Variants in HMCN1 observed in about 807,000 individuals in gnomAD.
The protein encoded by HMCN1 is hemicentin-1.
In HMCN1, 321 loss-of-function variants were observed where a neutral mutation model predicts 625.9. The observed-to-expected ratio is 0.51, with a 90% confidence interval of 0.47 to 0.56. The LOEUF (loss-of-function observed/expected upper bound fraction) is 0.56. Ranked by LOEUF, HMCN1 falls within the 20% of genes least tolerant of loss-of-function variation. The pLI is 0.00. For missense variants in HMCN1, 6,588 were observed against 6,887.3 expected (o/e 0.96, Z 1.54); for synonymous variants, 2,425 against 2,417.6 (o/e 1.00, Z -0.09).
intron 4 of HMCN1, among the ~76,000 whole-genome samples, chr1:185,868,899 G>A (rs1379282302): frequency 6.6e-6 from 1 of 152,128 alleles, no homozygotes; most frequent in Non-Finnish European, 1.5e-5. Flanking sequence ...ATCATCAACT[G>A]ATATTCTAAT....
chr1:186,122,422 A>T (rs2057386), intron 80 of HMCN1, among the ~76,000 whole-genome samples: 1 of 151,396 alleles, frequency 6.6e-6, no homozygotes, highest in Non-Finnish European at 1.5e-5. Flanking sequence ...GTTTCCAAAT[A>T]AATGGGAAGA....
At chr1:185,790,581 C>T (rs190236949) in intron 1 of HMCN1, among the ~76,000 whole-genome samples, 14 of 152,288 alleles carry the variant, frequency 9.2e-5, no homozygotes, top group Admixed American at 5.2e-4. Flanking sequence ...AGAGGAAAGA[C>T]GTTTGATGTC....
intron 11 of HMCN1, among the ~76,000 whole-genome samples, chr1:185,951,932 T>C (rs1571608468): frequency 6.6e-6 from 1 of 151,312 alleles, no homozygotes; most frequent in African/African-American, 2.5e-5. Context: ...TTAAATCCTG[T>C]TGTGGGGTTT....
intron 22 of HMCN1, among the ~76,000 whole-genome samples, chr1:185,990,778 A>G (rs1399109327): frequency 6.6e-6 from 1 of 152,166 alleles, no homozygotes; most frequent in African/African-American, 2.4e-5. Flanking sequence ...GAGCAATAAA[A>G]TACAATAGGC....
rs930387773 is a variant in HMCN1, at chr1:185,747,638, C to T, written c.268+12591C>T. On this transcript the variant is annotated intron_variant, in intron 1 of 106. Coordinates refer to ENST00000271588, the MANE Select transcript of HMCN1 (RefSeq NM_031935.3). Reference sequence around the variant, plus strand: ...CCCGGCCCTGTTACTTTTAAGCATGCATTTAATAAAGTCGTATTTAATCTT... The same window carrying T: ...CCCGGCCCTGTTACTTTTAAGCATGTATTTAATAAAGTCGTATTTAATCTT... Among the ~76,000 whole-genome samples, 5 of 152,084 alleles carry T rather than the reference C, an allele frequency of 3.3e-5. No homozygotes were observed. In the South Asian group the frequency reaches 6.2e-4, roughly 19 times the overall value.
chr1:185,924,946 A>G (rs1321158627), intron 8 of HMCN1, 101 bp from the exon 9 acceptor site: 1 of 1,023,134 alleles, frequency 9.8e-7, no homozygotes, highest in Admixed American at 2.0e-5. Context: ...TACTGGAATA[A>G]TTTAAGTATA....
chr1:186,139,249 C>A (rs1649806199), intron 89 of HMCN1, among the ~76,000 whole-genome samples: 2 of 152,158 alleles, frequency 1.3e-5, no homozygotes, highest in South Asian at 4.1e-4. Context: ...AATTATGAAG[C>A]TTATTTAAAT....
intron 89 of HMCN1, among the ~76,000 whole-genome samples, chr1:186,141,901 C>T (rs1011722972): frequency 1.3e-5 from 2 of 152,174 alleles, no homozygotes; most frequent in Non-Finnish European, 1.5e-5. Flanking sequence ...CATTGTGCTC[C>T]TCTACCCTGC....
chr1:185,763,585 C>T (rs546028691), intron 1 of HMCN1, among the ~76,000 whole-genome samples: 3 of 152,096 alleles, frequency 2.0e-5, no homozygotes, highest in African/African-American at 7.2e-5. Flanking sequence ...AAATAAAGAG[C>T]TACTTCACAT....
intron 1 of HMCN1, among the ~76,000 whole-genome samples, chr1:185,789,839 A>C (rs1657873704): frequency 6.6e-6 from 1 of 152,236 alleles, no homozygotes; most frequent in African/African-American, 2.4e-5. Flanking sequence ...ATAATCTCAA[A>C]GTTTACCACT....
At chr1:185,979,363 AG>A (rs1459638122) in intron 16 of HMCN1, among the ~76,000 whole-genome samples, 1 of 152,182 alleles carries the variant, frequency 6.6e-6, no homozygotes, top group Non-Finnish European at 1.5e-5. Context: ...AACATTGAAA[AG>A]CTCAAAGAGT....
intron 102 of HMCN1, among the ~76,000 whole-genome samples, chr1:186,172,931 G>T (rs1455449420): frequency 6.6e-6 from 1 of 152,114 alleles, no homozygotes; most frequent in Non-Finnish European, 1.5e-5. Context: ...TCACTATGAA[G>T]GAGGTCATGA....
Position 186,106,930 on chromosome 1 carries a change from G to A in HMCN1, c.10817G>A (p.Gly3606Glu). 6 of 1,612,968 alleles carry A rather than the reference G, an allele frequency of 3.7e-6. No individual in the cohort carries two copies. The highest frequency in any genetic ancestry group is 5.1e-6 in the Non-Finnish European group (6 of 1,178,974). ...RYTCLASSPA[G>E]DDDKEYLVRV... is the part of the protein sequence containing the mutation. ...ACATGTCTGGCATCCAGTCCTGCAGGAGATGATGATAAGGAATATCTAGTG... is the reference window on the plus strand; with the variant it reads ...ACATGTCTGGCATCCAGTCCTGCAGAAGATGATGATAAGGAATATCTAGTG... Residue 3606 changes from glycine (G) to glutamate (E), a missense_variant, in exon 70 of 107, where the codon GGA becomes GAA. Gly to Glu is a moderately conservative substitution (Grantham distance 98). Transcript: ENST00000271588.
chr1:185,945,986 G>A (rs539872489), intron 11 of HMCN1, among the ~76,000 whole-genome samples: 3 of 152,292 alleles, frequency 2.0e-5, no homozygotes, highest in African/African-American at 7.2e-5. Flanking sequence ...TAGGCTGGAT[G>A]AAAAAGGAAG....
At chr1:186,143,303 C>A (rs1051903366) in intron 89 of HMCN1, among the ~76,000 whole-genome samples, 1 of 152,174 alleles carries the variant, frequency 6.6e-6, no homozygotes, top group Non-Finnish European at 1.5e-5. Context: ...TATTTCTGCT[C>A]ATATTTTGAT....
intron 86 of HMCN1, among the ~76,000 whole-genome samples, chr1:186,133,216 T>A (rs1048990974): frequency 6.6e-6 from 1 of 152,230 alleles, no homozygotes; most frequent in Non-Finnish European, 1.5e-5. Context: ...GCAGAGCTTT[T>A]TAATTACAGC....
Position 185,839,868 on chromosome 1 carries a change from A to G in HMCN1, c.269-6158A>G, listed in dbSNP as rs1421905780. Among the ~76,000 whole-genome samples the G allele has an allele frequency of 2.0e-5, 3 of 152,210 alleles. No homozygotes were observed. In the East Asian group the frequency reaches 5.8e-4, roughly 29 times the overall value. ...TTATACCCCTTATTGTTAAGTGGAT[A>G]ATCTCTTTGGAAGTGGAACAGAATG... On this transcript the variant is annotated intron_variant, in intron 1 of 106. Transcript: ENST00000271588.
At chr1:185,932,418 T>G in intron 10 of HMCN1, among the ~76,000 whole-genome samples, 1 of 152,226 alleles carries the variant, frequency 6.6e-6, no homozygotes, top group East Asian at 1.9e-4. Flanking sequence ...GGATAAAGTT[T>G]GATCTTGAAT....
chr1:185,955,238 C>G (rs550532617), intron 11 of HMCN1, among the ~76,000 whole-genome samples: 26 of 152,254 alleles, frequency 1.7e-4, no homozygotes, highest in African/African-American at 6.3e-4. Context: ...ATTGTTTTAA[C>G]TGTTCATTCA....
Sources: allele counts gnomAD v4.1 joint callset (sites outside exome capture counted in the v4.1 genomes callset), GRCh38; gene constraint gnomAD v4.1.1; transcripts MANE v1.5; gene names NCBI Gene and HGNC (gene_info 2026-07-23, HGNC 2026-07-21).